Variants in DPP10 observed in about 807,000 individuals in gnomAD.
DPP10 encodes inactive dipeptidyl peptidase 10.
In DPP10, 33 loss-of-function variants were observed where a neutral mutation model predicts 120.9. The ratio of observed to expected loss-of-function variants is 0.27; its 90% CI spans 0.21 to 0.37. DPP10 has a LOEUF of 0.37. Among genes scored for constraint, DPP10 ranks in the 10% least tolerant of loss-of-function variants. The probability of loss-of-function intolerance (pLI) is 1.00; values close to 1 mark genes in which losing one functional copy is unlikely to be tolerated. For synonymous variants in DPP10, 337 were observed against 326.1 expected, an observed-to-expected ratio of 1.03 and a Z score of -0.36; for missense variants, 816 against 942.8, an observed-to-expected ratio of 0.87 and a Z score of 1.76.
intron 2 of DPP10, among the ~76,000 whole-genome samples, chr2:115,317,501 G>A (rs753549711): frequency 6.6e-6 from 1 of 152,136 alleles, no homozygotes; most frequent in Non-Finnish European, 1.5e-5. Context: ...GGAATTGCTA[G>A]ATCCTATGGT....
At chr2:114,981,990 G>A (rs778507030) in intron 1 of DPP10, among the ~76,000 whole-genome samples, 24 of 151,368 alleles carry the variant, frequency 1.6e-4, no homozygotes, top group Non-Finnish European at 3.2e-4. Context: ...CACCTCCTGG[G>A]TTCAAGTGAT....
At chr2:115,513,935 C>T (rs1323145422) in intron 4 of DPP10, among the ~76,000 whole-genome samples, 1 of 151,898 alleles carries the variant, frequency 6.6e-6, no homozygotes, top group Non-Finnish European at 1.5e-5. Flanking sequence ...TTTAGTGTTT[C>T]CTTAGAGCGG....
At chr2:114,696,321 C>G (rs2105792562) in intron 1 of DPP10, among the ~76,000 whole-genome samples, 1 of 152,034 alleles carries the variant, frequency 6.6e-6, no homozygotes, top group Non-Finnish European at 1.5e-5. Context: ...ATCTGAAATC[C>G]AGGTATGGAA....
intron 1 of DPP10, among the ~76,000 whole-genome samples, chr2:114,829,150 A>AT (rs1228803150): frequency 5.9e-5 from 9 of 151,752 alleles, no homozygotes; most frequent in Non-Finnish European, 1.0e-4. Flanking sequence ...TTAGCCAGGC[A>AT]CTGTAGCAGG....
At position 114,747,120 on chromosome 2, in the gene DPP10, T is replaced by C. The variant is rs1400341448; in HGVS notation, c.60+304282T>C. Among the ~76,000 whole-genome samples the C allele has an allele frequency of 6.6e-5, 10 of 152,322 alleles. 1 individual carries two copies. The highest frequency in any genetic ancestry group is 2.6e-4 in the Admixed American group (4 of 15,302). Reference sequence around the variant, plus strand: ...TGTTTCTCTCATTAAGTAACTCATATATAGATAAGAGAAGAATTGAGGGAG... The same window carrying C: ...TGTTTCTCTCATTAAGTAACTCATACATAGATAAGAGAAGAATTGAGGGAG... On this transcript the variant is annotated intron_variant, in intron 1 of 25. Transcript: ENST00000410059.
At chr2:114,503,345 A>G (rs1274907254) in intron 1 of DPP10, among the ~76,000 whole-genome samples, 4 of 152,212 alleles carry the variant, frequency 2.6e-5, no homozygotes, top group African/African-American at 9.6e-5. Flanking sequence ...TTGGTCTTCA[A>G]TATCTAATCA....
At chr2:114,663,668 T>TATATATATATATATAGAGAG in intron 1 of DPP10, among the ~76,000 whole-genome samples, 4 of 80,712 alleles carry the variant, frequency 5.0e-5, no homozygotes, top group African/African-American at 2.8e-4. Flanking sequence ...TATATATATA[T>TATATATATATATATAGAGAG]AGAGAGAGAG....
chr2:114,596,280 C>A (rs1268324614), intron 1 of DPP10, among the ~76,000 whole-genome samples: 1 of 151,014 alleles, frequency 6.6e-6, no homozygotes, highest in East Asian at 2.0e-4. Flanking sequence ...TCTCTCCTCC[C>A]TCCTACAAGC....
At chr2:114,907,405 A>C (rs1694055414) in intron 1 of DPP10, among the ~76,000 whole-genome samples, 1 of 151,658 alleles carries the variant, frequency 6.6e-6, no homozygotes, top group Non-Finnish European at 1.5e-5. Context: ...TTTAGTTGGG[A>C]TCTTTCTCTT....
intron 19 of DPP10, among the ~76,000 whole-genome samples, chr2:115,803,354 C>G (rs1187390327): frequency 6.6e-6 from 1 of 152,114 alleles, no homozygotes; most frequent in Non-Finnish European, 1.5e-5. Context: ...TTTCTGAATA[C>G]AGCACACTGA....
chr2:114,821,837 ATGCTGG>A (rs368293507), intron 1 of DPP10, among the ~76,000 whole-genome samples: 72 of 152,324 alleles, frequency 4.7e-4, no homozygotes, highest in African/African-American at 1.7e-3. Flanking sequence ...CTTCTGAGTC[ATGCTGG>A]TGTAAGAAGT....
intron 1 of DPP10, among the ~76,000 whole-genome samples, chr2:115,265,945 A>G (rs188641897): frequency 4.8e-4 from 64 of 133,848 alleles, no homozygotes; most frequent in Non-Finnish European, 8.5e-4. Flanking sequence ...CTCTATTTCA[A>G]AAAAAAAAAA....
At chr2:115,338,878 A>G (rs1181176724) in intron 2 of DPP10, among the ~76,000 whole-genome samples, 1 of 152,210 alleles carries the variant, frequency 6.6e-6, no homozygotes, top group Non-Finnish European at 1.5e-5. Flanking sequence ...GAAAGTTTCA[A>G]GACCAAGAAA....
chr2:115,423,308 C>G (rs1195187998), intron 3 of DPP10, among the ~76,000 whole-genome samples: 1 of 152,008 alleles, frequency 6.6e-6, no homozygotes, highest in Non-Finnish European at 1.5e-5. Flanking sequence ...TACTCAAAGC[C>G]AAATGTGGCT....
intron 5 of DPP10, among the ~76,000 whole-genome samples, chr2:115,595,780 T>C (rs919315933): frequency 2.0e-5 from 3 of 152,098 alleles, no homozygotes; most frequent in Admixed American, 1.3e-4. Context: ...TTTCTTTAAT[T>C]TAAAACAATT....
chr2:115,454,323 C>T (rs189647622), intron 3 of DPP10, among the ~76,000 whole-genome samples: 25 of 151,506 alleles, frequency 1.7e-4, no homozygotes, highest in African/African-American at 5.6e-4. Flanking sequence ...AATGTAGAGG[C>T]GGAAGTCTTT....
Position 115,103,276 on chromosome 2 carries a change from C to G in DPP10, c.61-205963C>G, listed in dbSNP as rs79310015. ...AATCTCGGCTCACTGCAAGCTCCCCCTCCCGGGTTCATGCCATTCTCCTGC... is the reference window on the plus strand; with the variant it reads ...AATCTCGGCTCACTGCAAGCTCCCCGTCCCGGGTTCATGCCATTCTCCTGC... On this transcript the variant is annotated intron_variant, in intron 1 of 25. Coordinates refer to ENST00000410059, the MANE Select transcript of DPP10 (RefSeq NM_020868.6). Among the ~76,000 whole-genome samples the G allele has an allele frequency of 1.4e-4, 22 of 151,830 alleles. No individual in the cohort carries two copies. In the East Asian group the frequency reaches 1.6e-3, roughly 11 times the overall value.
At chr2:114,552,970 CTCAT>C (rs1231832955) in intron 1 of DPP10, among the ~76,000 whole-genome samples, 2 of 152,116 alleles carry the variant, frequency 1.3e-5, no homozygotes, top group Admixed American at 6.5e-5. Flanking sequence ...CTTTAATTTC[CTCAT>C]TCAAAGCATT....
chr2:115,637,342 T>C (rs2086424447), intron 5 of DPP10, among the ~76,000 whole-genome samples: 2 of 152,130 alleles, frequency 1.3e-5, no homozygotes, highest in Non-Finnish European at 2.9e-5. Flanking sequence ...CTATGGCTTT[T>C]GAGTAGTTTG....
Sources: gnomAD v4.1 joint callset for allele counts (sites outside exome capture counted in the v4.1 genomes callset) on GRCh38, gnomAD v4.1.1 for gene constraint, MANE v1.5 for transcripts, NCBI Gene and HGNC (gene_info 2026-07-23, HGNC 2026-07-21) for gene names.